Variants in GPC3 observed in about 807,000 individuals in gnomAD.
GPC3 encodes glypican-3.
Under a neutral mutation model 34.4 loss-of-function variants are expected in GPC3, and 3 were observed. That is an observed-to-expected ratio of 0.09 (90% CI 0.04 to 0.23). The LOEUF (loss-of-function observed/expected upper bound fraction) is 0.23, where lower values mean the gene tolerates loss of function less well. Ranked by LOEUF, GPC3 falls within the 10% of genes least tolerant of loss-of-function variation. GPC3 has a pLI of 1.00. For missense variants in GPC3, 351 were observed against 445.6 expected (o/e 0.79, Z 1.91); for synonymous variants, 177 against 174.0 (o/e 1.02, Z -0.13).
chrX:133,970,580 T>C (rs2076487101), intron 1 of GPC3, among the ~76,000 whole-genome samples: 1 of 109,929 alleles, frequency 9.1e-6, no homozygotes, highest in African/African-American at 3.3e-5. Context: ...TGTTACTTGG[T>C]GCTACTATTT....
At chrX:133,822,783 CA>C (rs2075725723) in intron 2 of GPC3, among the ~76,000 whole-genome samples, 1 of 110,831 alleles carries the variant, frequency 9.0e-6, no homozygotes, top group African/African-American at 3.3e-5. Context: ...CCCAGAGCCT[CA>C]TAACATAATG....
intron 3 of GPC3, among the ~76,000 whole-genome samples, chrX:133,729,692 T>A (rs766288911): frequency 3.6e-5 from 4 of 112,384 alleles, no homozygotes; most frequent in African/African-American, 1.3e-4. Flanking sequence ...GCTAAGCATT[T>A]GCTACTGGGG....
chrX:133,768,756 T>C (rs1408255699), intron 2 of GPC3, among the ~76,000 whole-genome samples: 1 of 110,715 alleles, frequency 9.0e-6, no homozygotes, highest in Non-Finnish European at 1.9e-5. Flanking sequence ...CTGACCAACA[T>C]GGTGAAACCC....
chrX:133,724,059 T>C (rs763291726), intron 3 of GPC3, among the ~76,000 whole-genome samples: 5 of 112,149 alleles, frequency 4.5e-5, no homozygotes, highest in Non-Finnish European at 9.4e-5. Flanking sequence ...CACATTACGT[T>C]ATCACATGGA....
chrX:133,780,630 C>T (rs1446600985), intron 2 of GPC3, among the ~76,000 whole-genome samples: 1 of 111,573 alleles, frequency 9.0e-6, no homozygotes, highest in Admixed American at 9.5e-5. Flanking sequence ...TACCTATCAA[C>T]CTGCTTTCAC....
chrX:133,818,156 G>A (rs2075701573), intron 2 of GPC3, among the ~76,000 whole-genome samples: 1 of 111,199 alleles, frequency 9.0e-6, no homozygotes, highest in Non-Finnish European at 1.9e-5. Context: ...TATTCCACTA[G>A]CAAGGAAGAA....
At chrX:133,792,530 G>GT (rs2072176383) in intron 2 of GPC3, among the ~76,000 whole-genome samples, 1 of 111,152 alleles carries the variant, frequency 9.0e-6, no homozygotes, top group African/African-American at 3.3e-5. Flanking sequence ...CACCTCCCAA[G>GT]TACCAGAGAG....
intron 2 of GPC3, among the ~76,000 whole-genome samples, chrX:133,803,761 A>G (rs2075621998): frequency 9.0e-6 from 1 of 111,581 alleles, no homozygotes; most frequent in Non-Finnish European, 1.9e-5. Flanking sequence ...GTTATCATTT[A>G]CCCTATATTA....
intron 4 of GPC3, among the ~76,000 whole-genome samples, chrX:133,694,761 C>CA (rs1202815130): frequency 9.5e-6 from 1 of 105,623 alleles, no homozygotes; most frequent in Non-Finnish European, 1.9e-5. Context: ...AAAAAAAAAC[C>CA]AAAAAACAAA....
At chrX:133,956,654 T>C (rs2076417629) in intron 1 of GPC3, among the ~76,000 whole-genome samples, 6 of 112,361 alleles carry the variant, frequency 5.3e-5, no homozygotes. Context: ...GATAAAATCC[T>C]TTGTGTTTCT....
chrX:133,753,537 G>A lies in GPC3; in HGVS notation c.977C>T (p.Thr326Ile), dbSNP rs900270133. 2.2e-5 allele frequency: 27 copies of A among 1,210,570 alleles called. No individual in the cohort carries two copies. In the East Asian group the frequency reaches 8.0e-4, roughly 36 times the overall value. Reference protein sequence around the residue: ...MENVLLGLFSTIHDSIQYVQK... With the variant: ...MENVLLGLFSIIHDSIQYVQK... ...GACATACTGGATAGAATCATGGATT[G>A]TTGAAAAGAGACCAAGCAGTACGTT... The change falls in exon 3 of 8, where the codon ACA becomes ATA. Residue 326 changes from threonine to isoleucine, a missense_variant. By Grantham distance (89) the Thr-to-Ile change is moderately conservative. Coordinates refer to ENST00000370818, the MANE Select transcript of GPC3 (RefSeq NM_004484.4).
At chrX:133,694,683 T>C (rs370083690) in intron 4 of GPC3, among the ~76,000 whole-genome samples, 1 of 107,824 alleles carries the variant, frequency 9.3e-6, no homozygotes, top group Admixed American at 1.0e-4. Context: ...CCCCTCTCAC[T>C]AACACCACAC....
intron 5 of GPC3, among the ~76,000 whole-genome samples, chrX:133,678,208 G>A (rs1160166851): frequency 8.9e-6 from 1 of 112,096 alleles, no homozygotes; most frequent in Non-Finnish European, 1.9e-5. Context: ...AGCATATTGT[G>A]TGGCACTTGG....
At chrX:133,748,761 T>G (rs1394988445) in intron 3 of GPC3, among the ~76,000 whole-genome samples, 4 of 112,187 alleles carry the variant, frequency 3.6e-5, no homozygotes, top group Non-Finnish European at 7.5e-5. Flanking sequence ...ACTTGCCATG[T>G]TCCTGAACCT....
intron 6 of GPC3, among the ~76,000 whole-genome samples, chrX:133,612,868 C>T (rs2070125274): frequency 8.9e-6 from 1 of 112,188 alleles, no homozygotes; most frequent in Non-Finnish European, 1.9e-5. Context: ...CTTTGGTAAA[C>T]TGTGCATTTA....
intron 6 of GPC3, among the ~76,000 whole-genome samples, chrX:133,635,847 A>G (rs781244771): frequency 5.5e-5 from 6 of 108,757 alleles, no homozygotes; most frequent in Non-Finnish European, 1.1e-4. Context: ...AAAAAAAAAC[A>G]CTTCATAAAT....
chrX:133,733,670 A>C, intron 3 of GPC3, among the ~76,000 whole-genome samples: 1 of 111,126 alleles, frequency 9.0e-6, no homozygotes, highest in Non-Finnish European at 1.9e-5. Context: ...AAAAGAGAAA[A>C]TACTCAAATT....
intron 6 of GPC3, among the ~76,000 whole-genome samples, chrX:133,635,357 G>A (rs1296312095): frequency 1.8e-5 from 2 of 111,710 alleles, no homozygotes; most frequent in Non-Finnish European, 3.8e-5. Flanking sequence ...CACAGCCAAG[G>A]CCAGTAGCAG....
At chrX:133,756,744 T>A (rs1490005998) in intron 2 of GPC3, among the ~76,000 whole-genome samples, 3 of 112,242 alleles carry the variant, frequency 2.7e-5, no homozygotes, top group Non-Finnish European at 5.6e-5. Flanking sequence ...GGGCTAGGGG[T>A]TTACTTTGAA....
Sources: gnomAD v4.1 joint callset for allele counts (sites outside exome capture counted in the v4.1 genomes callset) on GRCh38, gnomAD v4.1.1 for gene constraint, MANE v1.5 for transcripts, NCBI Gene and HGNC (gene_info 2026-07-23, HGNC 2026-07-21) for gene names.